The following FDPS variants were observed in gnomAD, a reference collection of about 807,000 sequenced individuals.
FDPS encodes the protein farnesyl diphosphate synthase.
Under a neutral mutation model 49.5 loss-of-function variants are expected in FDPS, and 29 were observed. The ratio of observed to expected loss-of-function variants is 0.59; its 90% CI spans 0.44 to 0.80. The LOEUF (loss-of-function observed/expected upper bound fraction) is 0.80, where lower values mean the gene tolerates loss of function less well. FDPS is among the 30% of genes least tolerant of loss of function. The pLI, the probability that FDPS is intolerant of heterozygous loss-of-function variation, is 0.00. For missense variants in FDPS, 414 were observed against 525.6 expected, an observed-to-expected ratio of 0.79 and a Z score of 2.08; for synonymous variants, 172 against 206.4, an observed-to-expected ratio of 0.83 and a Z score of 1.43.
Position 155,309,972 on chromosome 1 carries a change from G to A in FDPS, c.176+7G>A, listed in dbSNP as rs575934082. Reference sequence around the variant, plus strand: ...CGTGGACAGAGGAACCTCGGTGAGTGTGGTTGGGGTGAGGGGCCTTGGGGA... The same window carrying A: ...CGTGGACAGAGGAACCTCGGTGAGTATGGTTGGGGTGAGGGGCCTTGGGGA... On this transcript the variant is annotated splice_region_variant and intron_variant, in intron 2 of 10. Transcript: ENST00000368356. 3 of 1,609,200 alleles carry A rather than the reference G, an allele frequency of 1.9e-6. No individual in the cohort carries two copies. Among genetic ancestry groups the A allele is most frequent in the Admixed American group, 3.3e-5 (2 of 59,912 alleles).
chr1:155,312,214 T>G (rs755888309), intron 3 of FDPS, 41 bp from the exon 4 acceptor site: 3 of 1,610,392 alleles, frequency 1.9e-6, no homozygotes, highest in Non-Finnish European at 2.5e-6. Flanking sequence ...GTAGCTGCTG[T>G]ATGGACCCTG....
chr1:155,319,452 T>C (rs981742752), intron 8 of FDPS, among the ~76,000 whole-genome samples, 159 bp from the exon 9 acceptor site: 3 of 152,210 alleles, frequency 2.0e-5, no homozygotes, highest in African/African-American at 7.2e-5. Flanking sequence ...GGATTGAGGT[T>C]GGACCATCAG....
Position 155,318,133 on chromosome 1 carries a change from G to C in FDPS, c.562-36G>C. 1.2e-6 allele frequency: 2 copies of C among 1,614,038 alleles called. No homozygotes were observed. The highest frequency in any genetic ancestry group is 1.7e-6 in the Non-Finnish European group (2 of 1,180,000). ...TGGCTCTTAGTATGAACCGAGACTA[G>C]AGATTGATTGCTTGTTTTTCTGTCT... On this transcript the variant is annotated intron_variant, in intron 5 of 10. Coordinates refer to ENST00000368356, the MANE Select transcript of FDPS (RefSeq NM_002004.4). The surrounding 1 kb of genome is among the most constrained non-coding windows in gnomAD (Gnocchi z 4.2).
chr1:155,311,335 T>C (rs1648780885), intron 3 of FDPS, among the ~76,000 whole-genome samples: 1 of 152,054 alleles, frequency 6.6e-6, no homozygotes, highest in Non-Finnish European at 1.5e-5. Context: ...CGAGATGAAG[T>C]CTTCCCTGTT....
At chr1:155,309,677 C>T in intron 1 of FDPS, 112 bp from the exon 2 acceptor site, 4 of 975,466 alleles carry the variant, frequency 4.1e-6, no homozygotes, top group Non-Finnish European at 5.8e-6. Context: ...GGGAGGGGCA[C>T]TCTGGGCTAA....
At position 155,312,272 on chromosome 1, in the gene FDPS, C is replaced by T; in HGVS notation, c.357C>T (p.Ala119=). ...CCCTCCAGGTCCTGGAGTACAATGC[C>T]ATTGGAGGCAAGTATAACCGGGGTT... ...ARLKEVLEYN[A]IGGKYNRGLT... Residue 119 remains alanine (A), a synonymous_variant, in exon 4 of 11, where the codon GCC becomes GCT. Coordinates refer to ENST00000368356, the MANE Select transcript of FDPS (RefSeq NM_002004.4). The T allele has an allele frequency of 6.2e-7, 1 of 1,614,052 alleles. No individual in the cohort carries two copies. Among genetic ancestry groups the T allele is most frequent in the South Asian group, 1.1e-5 (1 of 91,072 alleles).
At chr1:155,315,801 A>C (rs997938477) in intron 4 of FDPS, among the ~76,000 whole-genome samples, 1 of 151,468 alleles carries the variant, frequency 6.6e-6, no homozygotes, top group Non-Finnish European at 1.5e-5. Context: ...CGGGAGGCGG[A>C]GGTTGCAGTG....
chr1:155,311,933 C>T (rs1648839544), intron 3 of FDPS, among the ~76,000 whole-genome samples: 1 of 151,930 alleles, frequency 6.6e-6, no homozygotes, highest in African/African-American at 2.4e-5. Flanking sequence ...GATCGTGCCA[C>T]TGCACTCCAG....
At position 155,320,322 on chromosome 1, in the gene FDPS, C is replaced by T. The variant is rs548850033; in HGVS notation, c.1060-87C>T. On this transcript the variant is annotated intron_variant, in intron 10 of 10. Transcript: ENST00000368356. ...AGGAGTGGGTGGCTTTGGAGATGTTCTGGAATATGTGAATGAGGGGAGTGG... is the reference window on the plus strand; with the variant it reads ...AGGAGTGGGTGGCTTTGGAGATGTTTTGGAATATGTGAATGAGGGGAGTGG... The T allele has an allele frequency of 6.2e-6, 7 of 1,121,788 alleles. No homozygotes were observed. In the East Asian group the frequency reaches 1.8e-4, roughly 28 times the overall value. The allele number at this position is 1,121,788 out of a possible 1,614,324, so 69.5% of individuals were successfully genotyped here.
chr1:155,313,803 T>C (rs1463752639), intron 4 of FDPS, among the ~76,000 whole-genome samples: 2 of 151,874 alleles, frequency 1.3e-5, no homozygotes, highest in African/African-American at 4.8e-5. Context: ...GAGGGGCCAG[T>C]GGTTAACTGG....
At chr1:155,310,337 G>A in intron 3 of FDPS, 132 bp downstream of exon 3, 1 of 748,488 alleles carries the variant, frequency 1.3e-6, no homozygotes, top group Non-Finnish European at 2.1e-6. Flanking sequence ...TTGAGACAGA[G>A]CCTTGCTCTG....
At chr1:155,314,860 T>C (rs1649155293) in intron 4 of FDPS, among the ~76,000 whole-genome samples, 1 of 151,838 alleles carries the variant, frequency 6.6e-6, no homozygotes, top group South Asian at 2.1e-4. Flanking sequence ...CAGAGGAAAT[T>C]TGGGGAGGCC....
Position 155,320,454 on chromosome 1 carries a change from G to T in FDPS, c.1105G>T (p.Ala369Ser). ...GGCTGAGAAAGTGGCCCGGGTGAAG[G>T]CGCTATATGAGGAGCTGGATCTGCC... ...KEAEKVARVK[A>S]LYEELDLPAV... Residue 369 changes from alanine (A) to serine (S), a missense_variant, in exon 11 of 11, where the codon GCG (alanine) becomes TCG (serine). Transcript: ENST00000368356. 2 of 1,613,774 alleles carry T rather than the reference G, an allele frequency of 1.2e-6. No homozygotes were observed. Among genetic ancestry groups the T allele is most frequent in the South Asian group, 1.1e-5 (1 of 91,052 alleles).
intron 3 of FDPS, among the ~76,000 whole-genome samples, chr1:155,311,968 T>C (rs1207250848): frequency 1.3e-5 from 2 of 150,380 alleles, no homozygotes; most frequent in Non-Finnish European, 2.9e-5. Context: ...AGAGAATTCA[T>C]CTCAAAAAAA....
At position 155,318,080 on chromosome 1, in the gene FDPS, A is replaced by T; in HGVS notation, c.561+59A>T. 6.2e-7 allele frequency: 1 copy of T among 1,610,722 alleles called. No homozygotes were observed. Among genetic ancestry groups the T allele is most frequent in the African/African-American group, 1.3e-5 (1 of 75,000 alleles). On this transcript the variant is annotated intron_variant, in intron 5 of 10. Coordinates refer to ENST00000368356, the MANE Select transcript of FDPS (RefSeq NM_002004.4). The surrounding 1 kb of genome is among the most constrained non-coding windows in gnomAD (Gnocchi z 4.2). ...GGACAGGCCACAGGGAGGTGGTTAT[A>T]TATGGCCTGGTTGAGGTGTTGGGGT...
In FDPS at chr1:155,316,580, C is replaced by A. The variant is rs189417966; in HGVS notation, c.481-1361C>A. On this transcript the variant is annotated intron_variant, in intron 4 of 10. Coordinates refer to ENST00000368356, the MANE Select transcript of FDPS (RefSeq NM_002004.4). Reference sequence around the variant, plus strand: ...ATCACTTGAGGTCAGGAGTTCAAGACCAGCCTGGCCAACATGGCAAAACCC... The same window carrying A: ...ATCACTTGAGGTCAGGAGTTCAAGAACAGCCTGGCCAACATGGCAAAACCC... 3.0e-4 allele frequency among the ~76,000 whole-genome samples: 45 copies of A among 152,276 alleles called. 1 individual carries two copies. The highest frequency in any genetic ancestry group is 1.1e-3 in the African/African-American group (44 of 41,566).
chr1:155,318,775 C>A lies in FDPS; in HGVS notation c.773+22C>A. On this transcript the variant is annotated intron_variant, in intron 7 of 10. Coordinates refer to ENST00000368356, the MANE Select transcript of FDPS (RefSeq NM_002004.4). The surrounding 1 kb of genome is among the most constrained non-coding windows in gnomAD (Gnocchi z 4.2). ...AGAGGTGAGGGGAGGTGAGGGACAG[C>A]GCGAACCATGTCTGGACAGCGAGGG... The A allele has an allele frequency of 6.3e-7, 1 of 1,599,804 alleles. No homozygotes were observed. The highest frequency in any genetic ancestry group is 8.6e-7 in the Non-Finnish European group (1 of 1,167,208).
rs1648875076 is a variant in FDPS, at chr1:155,312,254, G to A, written c.340-1G>A. On this transcript the variant is annotated splice_acceptor_variant, in intron 3 of 10. Coordinates refer to ENST00000368356, the MANE Select transcript of FDPS (RefSeq NM_002004.4). LOFTEE classifies it high-confidence loss of function. ...CCTGTACCTCTTTCCTTGCCCTCCAGGTCCTGGAGTACAATGCCATTGGAG... is the reference window on the plus strand; with the variant it reads ...CCTGTACCTCTTTCCTTGCCCTCCAAGTCCTGGAGTACAATGCCATTGGAG... 1 of 1,613,816 alleles carries A rather than the reference G, an allele frequency of 6.2e-7. No individual in the cohort carries two copies.
rs142276507 is a variant in FDPS, at chr1:155,309,836, C to T, written c.47C>T (p.Pro16Leu). Residue 16 changes from proline (P) to leucine (L), a missense_variant, in exon 2 of 11, where the codon CCA becomes CTA. Transcript: ENST00000368356. ...WLRSVGVFLL[P>L]APYWAPRERW... ...AGATCTGTGGGGGTCTTCCTGCTGC[C>T]AGCCCCCTACTGGGCACCCCGGGAG... 2.8e-4 allele frequency: 445 copies of T among 1,578,498 alleles called. 2 individuals carry two copies. Among genetic ancestry groups the T allele is most frequent in the South Asian group, 4.5e-4 (39 of 87,474 alleles).
Sources: allele counts gnomAD v4.1 joint callset (sites outside exome capture counted in the v4.1 genomes callset), GRCh38; gene constraint gnomAD v4.1.1; non-coding constraint Gnocchi (gnomAD v3.1); transcripts MANE v1.5; gene names NCBI Gene and HGNC (gene_info 2026-07-23, HGNC 2026-07-21).